JMJD1C: variants seen among roughly 807,000 people sequenced by gnomAD.
JMJD1C encodes jumonji domain containing 1C.
JMJD1C carries 31 observed loss-of-function variants against 245.3 expected under a neutral mutation model. The ratio of observed to expected loss-of-function variants is 0.13; its 90% CI spans 0.09 to 0.17. The LOEUF (loss-of-function observed/expected upper bound fraction) is 0.17. Ranked by LOEUF, JMJD1C falls within the 10% of genes least tolerant of loss-of-function variation. The pLI is 1.00. For missense variants in JMJD1C, 2,691 were observed against 3,000.2 expected, an observed-to-expected ratio of 0.90 and a Z score of 2.41; for synonymous variants, 1,057 against 1,017.4, an observed-to-expected ratio of 1.04 and a Z score of -0.74.
chr10:63,389,125 A>G (rs1947844645), intron 1 of JMJD1C, among the ~76,000 whole-genome samples: 1 of 152,052 alleles, frequency 6.6e-6, no homozygotes, highest in African/African-American at 2.4e-5. Flanking sequence ...GGAGTTCAAG[A>G]CAAGCCTGGC....
At chr10:63,186,666 G>C (rs1003015590) in intron 18 of JMJD1C, among the ~76,000 whole-genome samples, 1 of 152,104 alleles carries the variant, frequency 6.6e-6, no homozygotes, top group African/African-American at 2.4e-5. Context: ...CTTACACTTG[G>C]TGGCGGAGGG....
chr10:63,184,762 C>T, intron 20 of JMJD1C, 24 bp from the exon 21 acceptor site: 1 of 1,587,724 alleles, frequency 6.3e-7, no homozygotes, highest in Non-Finnish European at 8.6e-7. Flanking sequence ...ACATTGCCTT[C>T]TTATAAATAA....
intron 2 of JMJD1C, among the ~76,000 whole-genome samples, chr10:63,338,544 T>G (rs1303857923): frequency 1.3e-5 from 2 of 151,952 alleles, no homozygotes; most frequent in African/African-American, 2.4e-5. Context: ...TATAGTGGCA[T>G]CATTTCAAGG....
At chr10:63,235,928 A>G (rs936327389) in intron 3 of JMJD1C, among the ~76,000 whole-genome samples, 8 of 152,214 alleles carry the variant, frequency 5.3e-5, no homozygotes, top group Non-Finnish European at 1.0e-4. Context: ...TTTTATTGTT[A>G]TTTTTAAAAA....
At chr10:63,355,155 TCTA>T (rs1228249516) in intron 2 of JMJD1C, among the ~76,000 whole-genome samples, 1 of 152,120 alleles carries the variant, frequency 6.6e-6, no homozygotes, top group Non-Finnish European at 1.5e-5. Context: ...TTCCAACTTA[TCTA>T]CTTTTTTTTA....
At chr10:63,437,682 C>T (rs936841382) in intron 1 of JMJD1C, among the ~76,000 whole-genome samples, 1 of 151,258 alleles carries the variant, frequency 6.6e-6, no homozygotes, top group Admixed American at 6.9e-5. Context: ...TGTCTCCAAT[C>T]TACTACCTCC....
At chr10:63,377,116 T>C (rs1468610881) in intron 2 of JMJD1C, among the ~76,000 whole-genome samples, 2 of 152,146 alleles carry the variant, frequency 1.3e-5, no homozygotes, top group Non-Finnish European at 2.9e-5. Context: ...TTGTGACACA[T>C]GGTTTAACAT....
rs546604279 is a variant in JMJD1C, at chr10:63,287,790, G to A, written c.334-23026C>T. Among the ~76,000 whole-genome samples, 3 of 151,500 alleles carry A rather than the reference G, an allele frequency of 2.0e-5. No individual in the cohort carries two copies. The South Asian group carries it at 6.3e-4, about 32-fold the overall frequency. On this transcript the variant is annotated intron_variant, in intron 2 of 25. Transcript: ENST00000399262. ...TTGAGACAGAGTCTCGCTCTGTTGCGCAAGCTGGAGTGCAATGGTACGGTC... is the reference window on the plus strand; with the variant it reads ...TTGAGACAGAGTCTCGCTCTGTTGCACAAGCTGGAGTGCAATGGTACGGTC...
At chr10:63,465,118 C>T (rs1195026333) in intron 1 of JMJD1C, 4 of 267,084 alleles carry the variant, frequency 1.5e-5, no homozygotes, top group Non-Finnish European at 2.8e-5. Context: ...GGCCGCCTGT[C>T]GCCATGAGTG....
chr10:63,408,361 C>A (rs948677103), intron 1 of JMJD1C, among the ~76,000 whole-genome samples: 3 of 151,834 alleles, frequency 2.0e-5, no homozygotes, highest in Admixed American at 6.6e-5. Context: ...CGAGATCGCG[C>A]CATTGCACTC....
At chr10:63,256,112 A>G (rs950982082) in intron 3 of JMJD1C, among the ~76,000 whole-genome samples, 1 of 152,180 alleles carries the variant, frequency 6.6e-6, no homozygotes, top group Non-Finnish European at 1.5e-5. Context: ...GCATATGATC[A>G]CAGCAGATTT....
At position 63,264,777 on chromosome 10, in the gene JMJD1C, A is replaced by G; in HGVS notation, c.334-13T>C. 1 of 1,274,808 alleles carries G rather than the reference A, an allele frequency of 7.8e-7. No homozygotes were observed. The highest frequency in any genetic ancestry group is 1.3e-5 in the South Asian group (1 of 78,272). 79.0% of individuals were successfully genotyped at this position (1,274,808 alleles called of 1,614,324 possible). On this transcript the variant is annotated splice_polypyrimidine_tract_variant and intron_variant, in intron 2 of 25. Coordinates refer to ENST00000399262, the MANE Select transcript of JMJD1C (RefSeq NM_032776.3). ...GAGGTTTGAAAGTCTGCCAAGAAAA[A>G]AAAAATTTCTAATGATAATTTTCTG...
At chr10:63,209,832 C>T (rs1847110152) in intron 8 of JMJD1C, among the ~76,000 whole-genome samples, 1 of 152,116 alleles carries the variant, frequency 6.6e-6, no homozygotes, top group African/African-American at 2.4e-5. Flanking sequence ...CATCAATATG[C>T]TGCCTGTCTC....
In JMJD1C at chr10:63,208,485, G is replaced by A; in HGVS notation, c.3184C>T (p.His1062Tyr). Reference protein sequence around the residue: ...VASSSSSPKSHIIKQDMDVER... With the variant: ...VASSSSSPKSYIIKQDMDVER... Reference sequence around the variant, plus strand: ...ACATCCATATCTTGTTTGATGATATGGCTTTTAGGACTGGAAGATGATGAT... The same window carrying A: ...ACATCCATATCTTGTTTGATGATATAGCTTTTAGGACTGGAAGATGATGAT... Residue 1062 changes from histidine to tyrosine, a missense_variant, in exon 10 of 26, where the codon CAT becomes TAT. Transcript: ENST00000399262. The A allele has an allele frequency of 6.2e-7, 1 of 1,613,856 alleles. No individual in the cohort carries two copies. The highest frequency in any genetic ancestry group is 2.2e-5 in the East Asian group (1 of 44,876).
chr10:63,377,244 C>T (rs1477652879), intron 2 of JMJD1C, among the ~76,000 whole-genome samples: 3 of 152,150 alleles, frequency 2.0e-5, no homozygotes, highest in Non-Finnish European at 2.9e-5. Flanking sequence ...GCCAGGAAGA[C>T]GGGGGAATAA....
chr10:63,494,781 TATC>T (rs1954301473), intron 1 of JMJD1C, among the ~76,000 whole-genome samples: 1 of 152,170 alleles, frequency 6.6e-6, no homozygotes, highest in Non-Finnish European at 1.5e-5. Flanking sequence ...CGCTGACAAA[TATC>T]ATAAATTTAT....
intron 2 of JMJD1C, among the ~76,000 whole-genome samples, chr10:63,357,565 C>A (rs2134334356): frequency 1.3e-5 from 2 of 152,196 alleles, no homozygotes; most frequent in South Asian, 4.1e-4. Flanking sequence ...CTCTGCCTCC[C>A]AACGTGCTGG....
intron 1 of JMJD1C, among the ~76,000 whole-genome samples, chr10:63,449,881 C>T (rs1476969488): frequency 6.6e-6 from 1 of 151,850 alleles, no homozygotes; most frequent in Non-Finnish European, 1.5e-5. Flanking sequence ...TTTGGGAGGC[C>T]GAGGTGGGAA....
chr10:63,430,133 G>T (rs1348700400), intron 1 of JMJD1C, among the ~76,000 whole-genome samples: 1 of 152,110 alleles, frequency 6.6e-6, no homozygotes, highest in African/African-American at 2.4e-5. Flanking sequence ...GGGACAACTG[G>T]GTTTCCATAT....
Sources: allele counts gnomAD v4.1 joint callset (sites outside exome capture counted in the v4.1 genomes callset), GRCh38; gene constraint gnomAD v4.1.1; transcripts MANE v1.5; gene names NCBI Gene and HGNC (gene_info 2026-07-23, HGNC 2026-07-21).